EYS: variants seen among roughly 807,000 people sequenced by gnomAD.
EYS encodes the protein EGF-like photoreceptor maintenance factor.
A neutral mutation model predicts 282.1 loss-of-function variants in EYS; 250 were observed. The ratio of observed to expected loss-of-function variants is 0.89; its 90% CI spans 0.80 to 0.98. EYS has a LOEUF of 0.98. Ranked by LOEUF, EYS falls within the 50% of genes least tolerant of loss-of-function variation. The pLI, the probability that EYS is intolerant of heterozygous loss-of-function variation, is 0.00. For missense variants in EYS, 4,016 were observed against 3,709.0 expected (o/e 1.08, Z -2.15); for synonymous variants, 1,355 against 1,282.9 (o/e 1.06, Z -1.20).
chr6:65,043,549 C>T (rs1256605674), intron 13 of EYS, among the ~76,000 whole-genome samples: 5 of 151,354 alleles, frequency 3.3e-5, no homozygotes, highest in African/African-American at 4.8e-5. Flanking sequence ...TTCCCTCCTG[C>T]GCCCCTCCTC....
rs186962795 is a variant in EYS at position 64,951,067 on chromosome 6, G to C, written c.2260-5153C>G. On this transcript the variant is annotated intron_variant, in intron 14 of 42. Transcript: ENST00000503581. ...GCATTCAGCTTGGTCAAGGAGATTA[G>C]GTCCGTGAAGAGAAGAACAGAGAAG... Among the ~76,000 whole-genome samples the C allele has an allele frequency of 1.2e-3, 175 of 151,528 alleles. 1 individual carries two copies. The highest frequency in any genetic ancestry group is 4.2e-3 in the African/African-American group (173 of 41,382).
intron 2 of EYS, among the ~76,000 whole-genome samples, chr6:65,600,737 A>G (rs1765587783): frequency 6.6e-6 from 1 of 151,970 alleles, no homozygotes; most frequent in African/African-American, 2.4e-5. Context: ...TTATATAATT[A>G]TGTTAGTTGC....
At chr6:65,451,046 A>G (rs4507565) in intron 5 of EYS, among the ~76,000 whole-genome samples, 63,217 of 151,810 alleles carry the variant, frequency 0.42, 13,569 homozygotes, top group Admixed American at 0.55. Flanking sequence ...TTCCTTTGGC[A>G]TACTTATAAT....
intron 22 of EYS, among the ~76,000 whole-genome samples, chr6:64,708,604 G>A (rs1351756105): frequency 6.6e-6 from 1 of 152,096 alleles, no homozygotes; most frequent in Non-Finnish European, 1.5e-5. Context: ...GTAAATGACA[G>A]ATTTGTTAGC....
At chr6:64,354,374 G>A (rs1337826159) in intron 29 of EYS, among the ~76,000 whole-genome samples, 1 of 151,542 alleles carries the variant, frequency 6.6e-6, no homozygotes, top group Non-Finnish European at 1.5e-5. Flanking sequence ...TTTTGTTAAA[G>A]TGTTAATTTT....
Position 63,895,905 on chromosome 6 carries a change from G to GTTTTTTTTTTTTTTTT in EYS, c.7056-31563_7056-31548dup, listed in dbSNP as rs10705427. Reference sequence around the variant, plus strand: ...TATTTAATCGTTGAGATCATGATTTGTTTTTTTTTTTTTTTTTTTTTTTTT... The same window carrying GTTTTTTTTTTTTTTTT: ...TATTTAATCGTTGAGATCATGATTTGTTTTTTTTTTTTTTTTTTTTTTTTTTTTTTTTTTTTTTTTT... On this transcript the variant is annotated intron_variant, in intron 35 of 42. Coordinates refer to ENST00000503581, the MANE Select transcript of EYS (RefSeq NM_001142800.2). Among the ~76,000 whole-genome samples, 3 of 124,362 alleles carry GTTTTTTTTTTTTTTTT rather than the reference G, an allele frequency of 2.4e-5. 1 individual carries two copies. Among genetic ancestry groups the GTTTTTTTTTTTTTTTT allele is most frequent in the African/African-American group, 9.5e-5 (3 of 31,528 alleles). 81.6% of individuals were successfully genotyped at this position (124,362 alleles called of 152,430 possible).
intron 14 of EYS, among the ~76,000 whole-genome samples, chr6:64,971,019 CA>C (rs1311480409): frequency 6.6e-6 from 1 of 152,028 alleles, no homozygotes; most frequent in Non-Finnish European, 1.5e-5. Flanking sequence ...CTAAGGAAGG[CA>C]TAACTATAGA....
rs1773463564 is a variant in EYS at position 64,118,449 on chromosome 6, C to T, written c.6425-36447G>A. Among the ~76,000 whole-genome samples, 2 of 152,028 alleles carry T rather than the reference C, an allele frequency of 1.3e-5. 1 individual carries two copies. The highest frequency in any genetic ancestry group is 4.1e-4 in the South Asian group (2 of 4,832). ...ATATAAATTGGGGAAAGGACAGGCT[C>T]TTCAACAAATGGTGCTGGGAAAACT... On this transcript the variant is annotated intron_variant, in intron 31 of 42. Transcript: ENST00000503581.
chr6:64,971,468 A>G (rs957177560), intron 14 of EYS, among the ~76,000 whole-genome samples: 3 of 151,942 alleles, frequency 2.0e-5, no homozygotes, highest in Non-Finnish European at 4.4e-5. Flanking sequence ...GTTTGAAGGG[A>G]AAAAAAATAA....
In EYS at chr6:63,895,711, C is replaced by G. The variant is rs570039416; in HGVS notation, c.7056-31353G>C. Among the ~76,000 whole-genome samples, 66 of 152,234 alleles carry G rather than the reference C, an allele frequency of 4.3e-4. 1 individual carries two copies. The highest frequency in any genetic ancestry group is 1.3e-3 in the African/African-American group (52 of 41,536). On this transcript the variant is annotated intron_variant, in intron 35 of 42. Coordinates refer to ENST00000503581, the MANE Select transcript of EYS (RefSeq NM_001142800.2). ...TTGCTTGCCTTACATACTATTTAACCTCATGTATTGCTACCTGAAACCAAG... is the reference window on the plus strand; with the variant it reads ...TTGCTTGCCTTACATACTATTTAACGTCATGTATTGCTACCTGAAACCAAG...
intron 29 of EYS, among the ~76,000 whole-genome samples, chr6:64,342,195 T>A (rs2150397280): frequency 6.6e-6 from 1 of 151,726 alleles, no homozygotes; most frequent in African/African-American, 2.4e-5. Flanking sequence ...TCATTGGTGG[T>A]ACAAAAACGC....
intron 29 of EYS, among the ~76,000 whole-genome samples, chr6:64,343,121 C>T (rs1367302927): frequency 2.0e-5 from 3 of 151,956 alleles, no homozygotes; most frequent in Admixed American, 2.0e-4. Flanking sequence ...ACTTTAACAC[C>T]CCACTGTCAA....
At chr6:65,526,711 C>T (rs1031479954) in intron 2 of EYS, among the ~76,000 whole-genome samples, 2 of 152,262 alleles carry the variant, frequency 1.3e-5, no homozygotes, top group African/African-American at 4.8e-5. Context: ...AAGGCTGAGG[C>T]AGGGGAATGG....
chr6:64,342,831 C>T (rs892740199), intron 29 of EYS, among the ~76,000 whole-genome samples: 4 of 152,054 alleles, frequency 2.6e-5, no homozygotes, highest in Non-Finnish European at 4.4e-5. Flanking sequence ...CAGAGACACA[C>T]ATAGACTCAA....
At chr6:64,455,285 A>G (rs1280594314) in intron 26 of EYS, among the ~76,000 whole-genome samples, 2 of 152,258 alleles carry the variant, frequency 1.3e-5, no homozygotes, top group Admixed American at 6.5e-5. Flanking sequence ...AATTCTTAAA[A>G]TAGTTTACTA....
intron 26 of EYS, among the ~76,000 whole-genome samples, chr6:64,501,524 T>TA (rs1205958883): frequency 6.6e-6 from 1 of 151,912 alleles, no homozygotes; most frequent in Non-Finnish European, 1.5e-5. Context: ...ACATCCTCAT[T>TA]AAAAAAAGAT....
chr6:65,362,000 T>C (rs1320681990), intron 8 of EYS, among the ~76,000 whole-genome samples: 2 of 152,158 alleles, frequency 1.3e-5, no homozygotes, highest in East Asian at 3.9e-4. Context: ...CAATCTGTAG[T>C]ATCTCATAAA....
intron 11 of EYS, among the ~76,000 whole-genome samples, chr6:65,299,504 T>C (rs1317447124): frequency 6.6e-6 from 1 of 152,272 alleles, no homozygotes; most frequent in Middle Eastern, 3.4e-3. Flanking sequence ...TCTGATGCAT[T>C]GGAAGTAGTC....
chr6:64,307,196 T>C, intron 29 of EYS, 114 bp from the exon 30 acceptor site: 1 of 583,240 alleles, frequency 1.7e-6, no homozygotes, highest in Non-Finnish European at 3.0e-6. Context: ...GCTGATTTGA[T>C]TTATTCTACT....
Sources: gnomAD v4.1 joint callset for allele counts (sites outside exome capture counted in the v4.1 genomes callset) on GRCh38, gnomAD v4.1.1 for gene constraint, MANE v1.5 for transcripts, NCBI Gene and HGNC (gene_info 2026-07-23, HGNC 2026-07-21) for gene names.